SLC25A48: variants seen among roughly 807,000 people sequenced by gnomAD.
SLC25A48 encodes solute carrier family 25 member 48, also known as CTC-321K16.1.
A neutral mutation model predicts 32.2 loss-of-function variants in SLC25A48; 29 were observed. The observed-to-expected ratio is 0.90, with a 90% CI of 0.67 to 1.23. The LOEUF (loss-of-function observed/expected upper bound fraction) is 1.23. Among genes scored for constraint, SLC25A48 ranks in the 50% most tolerant of loss-of-function variants. SLC25A48 has a pLI of 0.00. For synonymous variants in SLC25A48, 164 were observed against 172.3 expected, an observed-to-expected ratio of 0.95 and a Z score of 0.38; for missense variants, 399 against 422.7, an observed-to-expected ratio of 0.94 and a Z score of 0.49.
intron 1 of SLC25A48, among the ~76,000 whole-genome samples, chr5:135,614,500 G>T (rs1432628038): frequency 6.6e-6 from 1 of 152,106 alleles, no homozygotes; most frequent in Non-Finnish European, 1.5e-5. Flanking sequence ...CCCCAATTCA[G>T]TATGCTCTTA....
intron 3 of SLC25A48, among the ~76,000 whole-genome samples, chr5:135,805,668 G>A (rs146498303): frequency 4.7e-4 from 71 of 151,708 alleles, no homozygotes; most frequent in African/African-American, 1.6e-3. Flanking sequence ...GGTACACCCT[G>A]TGATATTATT....
At chr5:135,664,844 T>C (rs2126937121) in intron 3 of SLC25A48, among the ~76,000 whole-genome samples, 1 of 152,330 alleles carries the variant, frequency 6.6e-6, no homozygotes, top group East Asian at 1.9e-4. Flanking sequence ...CTTAGGTTGG[T>C]TCCATATCTT....
intron 1 of SLC25A48, among the ~76,000 whole-genome samples, chr5:135,594,891 A>G (rs943140716): frequency 4.6e-5 from 7 of 152,196 alleles, no homozygotes; most frequent in Admixed American, 2.6e-4. Context: ...AGGAGGCCCA[A>G]TGATCATGAT....
intron 1 of SLC25A48, among the ~76,000 whole-genome samples, chr5:135,596,139 T>G (rs1751644470): frequency 6.6e-6 from 1 of 152,284 alleles, no homozygotes; most frequent in South Asian, 2.1e-4. Context: ...CAACTTTATC[T>G]ATTTTTGTGT....
chr5:135,690,276 G>T (rs540037766), intron 3 of SLC25A48, among the ~76,000 whole-genome samples: 2 of 152,190 alleles, frequency 1.3e-5, no homozygotes, highest in African/African-American at 4.8e-5. Flanking sequence ...GGCATTGGGA[G>T]CATGGGTGTA....
intron 3 of SLC25A48, among the ~76,000 whole-genome samples, chr5:135,774,194 G>T (rs571159289): frequency 1.3e-5 from 2 of 151,306 alleles, no homozygotes; most frequent in African/African-American, 2.4e-5. Context: ...TCCAAATATC[G>T]CAGGGGCTGT....
At chr5:135,737,609 A>C (rs1234473984) in intron 3 of SLC25A48, among the ~76,000 whole-genome samples, 1 of 152,178 alleles carries the variant, frequency 6.6e-6, no homozygotes, top group Non-Finnish European at 1.5e-5. Context: ...GAAACCTGGA[A>C]AAGCTCTTTG....
chr5:135,707,091 C>T (rs896830169), intron 3 of SLC25A48, among the ~76,000 whole-genome samples: 14 of 152,006 alleles, frequency 9.2e-5, no homozygotes, highest in African/African-American at 9.7e-5. Flanking sequence ...GGGGTGTGGG[C>T]GGCAGGGGCC....
At chr5:135,713,250 C>G (rs2126976218) in intron 3 of SLC25A48, among the ~76,000 whole-genome samples, 2 of 152,302 alleles carry the variant, frequency 1.3e-5, no homozygotes, top group South Asian at 4.2e-4. Context: ...AAGCACTCAC[C>G]TAATATATAT....
rs562340065 is a variant in SLC25A48, at chr5:135,583,223, T to C, written c.-849+3626T>C. 4.0e-5 allele frequency among the ~76,000 whole-genome samples: 6 copies of C among 150,486 alleles called. No homozygotes were observed. In the East Asian group the frequency reaches 9.9e-4, roughly 25 times the overall value. On this transcript the variant is annotated intron_variant, in intron 1 of 10. Transcript: ENST00000646290. ...GTTTGCGTGTGTGTAGGGGTGGCCATGGGGAGTCCATATTCCCAGGGAAGC... is the reference window on the plus strand; with the variant it reads ...GTTTGCGTGTGTGTAGGGGTGGCCACGGGGAGTCCATATTCCCAGGGAAGC...
chr5:135,867,726 C>T (rs1761313742), intron 4 of SLC25A48, among the ~76,000 whole-genome samples: 1 of 152,208 alleles, frequency 6.6e-6, no homozygotes, highest in Non-Finnish European at 1.5e-5. Context: ...GACTTTGGGC[C>T]TCACCAATGG....
chr5:135,667,802 A>G (rs1753558287), intron 3 of SLC25A48, among the ~76,000 whole-genome samples: 1 of 152,246 alleles, frequency 6.6e-6, no homozygotes, highest in Non-Finnish European at 1.5e-5. Context: ...CCACTTGGTG[A>G]AACACCTTCA....
Position 135,821,059 on chromosome 5 carries a change from T to A in SLC25A48, c.-117+8133T>A, listed in dbSNP as rs545685798. On this transcript the variant is annotated intron_variant, in intron 4 of 10. Transcript: ENST00000646290. The stretch of plus-strand genomic sequence containing the variant: ...CTAGAAACTAACTAGAGCCCCCTTT[T>A]CAGGCTGGTTCACCTTCCTGTCCCG... Among the ~76,000 whole-genome samples, 4 of 152,330 alleles carry A rather than the reference T, an allele frequency of 2.6e-5. No homozygotes were observed. The South Asian group carries it at 8.3e-4, about 32-fold the overall frequency.
intron 4 of SLC25A48, among the ~76,000 whole-genome samples, chr5:135,816,033 A>G (rs1300548927): frequency 6.6e-6 from 1 of 152,226 alleles, no homozygotes; most frequent in Non-Finnish European, 1.5e-5. Context: ...ACTTACAGTC[A>G]TGGCGGAAGG....
intron 1 of SLC25A48, 92 bp from the exon 2 acceptor site, chr5:135,842,324 A>T: frequency 1.5e-6 from 2 of 1,365,394 alleles, no homozygotes; most frequent in South Asian, 2.4e-5. Flanking sequence ...TTGACCGTTG[A>T]CTAAACAAGT....
intron 3 of SLC25A48, among the ~76,000 whole-genome samples, chr5:135,672,066 T>C (rs894239775): frequency 5.3e-5 from 8 of 152,130 alleles, no homozygotes; most frequent in Non-Finnish European, 1.2e-4. Context: ...TTGGAACAGT[T>C]CTCAAATGCT....
chr5:135,655,890 G>A (rs1387828279), intron 3 of SLC25A48, among the ~76,000 whole-genome samples: 1 of 152,128 alleles, frequency 6.6e-6, no homozygotes, highest in Non-Finnish European at 1.5e-5. Context: ...ATTCTTTTCT[G>A]CAAGGATTTG....
chr5:135,756,877 CTAAA>C (rs967910295), intron 3 of SLC25A48, among the ~76,000 whole-genome samples: 2 of 149,992 alleles, frequency 1.3e-5, no homozygotes, highest in Non-Finnish European at 3.0e-5. Context: ...AATAAAATAT[CTAAA>C]TGATATTTAT....
chr5:135,755,294 A>G (rs1755869164), intron 3 of SLC25A48, among the ~76,000 whole-genome samples: 1 of 152,136 alleles, frequency 6.6e-6, no homozygotes, highest in South Asian at 2.1e-4. Context: ...TGTGATATTA[A>G]TGAAATATCG....
Sources: allele counts gnomAD v4.1 joint callset (sites outside exome capture counted in the v4.1 genomes callset), GRCh38; gene constraint gnomAD v4.1.1; transcripts MANE v1.5; gene names NCBI Gene and HGNC (gene_info 2026-07-23, HGNC 2026-07-21).